The following CNTNAP2 variants were observed in gnomAD, a reference collection of about 807,000 sequenced individuals.
The protein encoded by CNTNAP2 is contactin associated protein 2.
Under a neutral mutation model 155.2 loss-of-function variants are expected in CNTNAP2, and 98 were observed. The ratio of observed to expected loss-of-function variants is 0.63; its 90% confidence interval spans 0.54 to 0.75. CNTNAP2 has a LOEUF of 0.75. Ranked by LOEUF, CNTNAP2 falls within the 30% of genes least tolerant of loss-of-function variation. The probability of loss-of-function intolerance (pLI) is 0.00; values close to 1 mark genes in which losing one functional copy is unlikely to be tolerated. For missense variants in CNTNAP2, 1,727 were observed against 1,688.1 expected (o/e 1.02, Z -0.40); for synonymous variants, 651 against 631.2 (o/e 1.03, Z -0.47).
chr7:146,177,344 T>C (rs1798483869), intron 1 of CNTNAP2, among the ~76,000 whole-genome samples: 1 of 152,190 alleles, frequency 6.6e-6, no homozygotes, highest in African/African-American at 2.4e-5. Flanking sequence ...ACAAAGGCTG[T>C]GTATTCCAGG....
intron 9 of CNTNAP2, among the ~76,000 whole-genome samples, chr7:147,345,865 T>C (rs976306241): frequency 1.3e-5 from 2 of 152,166 alleles, no homozygotes; most frequent in African/African-American, 4.8e-5. Context: ...CATAGTTATT[T>C]TGTAGCAAGG....
rs1184055556 is a variant in CNTNAP2 at position 148,413,392 on chromosome 7, C to CAAAAAAAAAAAAAAAAA, written c.3797-2015_3797-2014insAAAAAAAAAAAAAAAAA. Among the ~76,000 whole-genome samples the CAAAAAAAAAAAAAAAAA allele has an allele frequency of 2.4e-3, 4 of 1,650 alleles. 2 individuals are homozygous for CAAAAAAAAAAAAAAAAA. The highest frequency in any genetic ancestry group is 0.013 in the Admixed American group (2 of 156). 1.1% of individuals were successfully genotyped at this position (1,650 alleles called of 152,430 possible). A position where few individuals can be genotyped will look rare whatever the true frequency, so the allele number is the denominator to read the frequency against. On this transcript the variant is annotated intron_variant, in intron 23 of 23. Coordinates refer to ENST00000361727, the MANE Select transcript of CNTNAP2 (RefSeq NM_014141.6). ...GGGCAACAAGAGTGAAACTCCGTCT[C>CAAAAAAAAAAAAAAAAA]AAAAAAAAAATATATATATATATAT...
At chr7:146,163,569 A>C (rs1052222395) in intron 1 of CNTNAP2, among the ~76,000 whole-genome samples, 2 of 106,654 alleles carry the variant, frequency 1.9e-5, no homozygotes, top group East Asian at 2.0e-4. Flanking sequence ...ATATCTATCT[A>C]TATCTATCTA....
At chr7:148,058,932 G>A (rs1184105767) in intron 15 of CNTNAP2, among the ~76,000 whole-genome samples, 1 of 152,038 alleles carries the variant, frequency 6.6e-6, no homozygotes, top group Non-Finnish European at 1.5e-5. Context: ...CACTAATAAT[G>A]TTCTGTTTCT....
intron 14 of CNTNAP2, among the ~76,000 whole-genome samples, chr7:147,972,237 G>C (rs1474015120): frequency 2.2e-4 from 33 of 152,130 alleles, no homozygotes; most frequent in Non-Finnish European, 5.9e-5. Flanking sequence ...TGATGGAAAT[G>C]CATGAAAGTA....
intron 15 of CNTNAP2, among the ~76,000 whole-genome samples, chr7:147,980,105 A>C (rs1301017960): frequency 6.6e-6 from 1 of 152,216 alleles, no homozygotes; most frequent in Non-Finnish European, 1.5e-5. Context: ...TCTGGAAAGT[A>C]AGAAAAAGAA....
At chr7:147,667,077 G>T (rs1383463269) in intron 13 of CNTNAP2, among the ~76,000 whole-genome samples, 1 of 152,148 alleles carries the variant, frequency 6.6e-6, no homozygotes, top group African/African-American at 2.4e-5. Context: ...GAAAGAAAAG[G>T]CTGGACCCAA....
chr7:148,263,209 C>T (rs973244163), intron 20 of CNTNAP2: 4 of 152,228 alleles, frequency 2.6e-5, no homozygotes, highest in Admixed American at 2.0e-4. Context: ...ATATCCTCGT[C>T]ACTTCTCATA....
chr7:147,190,839 T>G (rs1468325375), intron 8 of CNTNAP2, among the ~76,000 whole-genome samples: 1 of 152,234 alleles, frequency 6.6e-6, no homozygotes, highest in East Asian at 1.9e-4. Context: ...AAGTGCTTTG[T>G]GAAGGAAATA....
intron 1 of CNTNAP2, among the ~76,000 whole-genome samples, chr7:146,140,256 A>T (rs556219549): frequency 1.3e-5 from 2 of 152,242 alleles, no homozygotes; most frequent in South Asian, 4.1e-4. Context: ...TAGATAAAGA[A>T]GTAGTAGGGT....
intron 1 of CNTNAP2, among the ~76,000 whole-genome samples, chr7:146,701,025 A>G (rs1800867731): frequency 7.1e-6 from 1 of 141,518 alleles, no homozygotes; most frequent in Non-Finnish European, 1.5e-5. Context: ...ATTTGCCTGA[A>G]TAATATGGAG....
chr7:147,519,878 TA>T (rs1799202779), intron 11 of CNTNAP2, among the ~76,000 whole-genome samples: 1 of 152,074 alleles, frequency 6.6e-6, no homozygotes, highest in Non-Finnish European at 1.5e-5. Context: ...CAAAAAAGAA[TA>T]AATTCATAAA....
Position 146,299,059 on chromosome 7 carries a change from G to T in CNTNAP2, c.97+182086G>T, listed in dbSNP as rs567188521. Among the ~76,000 whole-genome samples, 15 of 152,238 alleles carry T rather than the reference G, an allele frequency of 9.9e-5. 1 individual carries two copies. The South Asian group carries it at 3.1e-3, about 32-fold the overall frequency. ...GGACACCCAGGTGGGATCACTTGAA[G>T]TCAGGAGCTCGAGACCAGCCTGGCC... On this transcript the variant is annotated intron_variant, in intron 1 of 23. Transcript: ENST00000361727.
intron 8 of CNTNAP2, among the ~76,000 whole-genome samples, chr7:147,254,514 ATTT>A (rs370865767): frequency 8.7e-5 from 13 of 150,192 alleles, no homozygotes; most frequent in Non-Finnish European, 1.6e-4. Flanking sequence ...TTTTTGGTTG[ATTT>A]TTTTTTTCTA....
intron 13 of CNTNAP2, among the ~76,000 whole-genome samples, chr7:147,784,547 ATATG>A (rs1467936549): frequency 2.0e-4 from 17 of 84,788 alleles, no homozygotes; most frequent in Admixed American, 4.2e-4. Flanking sequence ...ATATATATAT[ATATG>A]AGTTTTTTTG....
chr7:146,398,107 A>T (rs1795659076), intron 1 of CNTNAP2, among the ~76,000 whole-genome samples: 1 of 150,916 alleles, frequency 6.6e-6, no homozygotes, highest in South Asian at 2.1e-4. Flanking sequence ...CCTGGGCTCA[A>T]GTGATCCGCC....
At chr7:148,386,499 C>CT (rs200992778) in intron 22 of CNTNAP2, among the ~76,000 whole-genome samples, 7,658 of 152,186 alleles carry the variant, frequency 0.05, 276 homozygotes, top group African/African-American at 0.094. Context: ...CTGCAAGACT[C>CT]TGTCTCAAAA....
intron 13 of CNTNAP2, among the ~76,000 whole-genome samples, chr7:147,802,182 G>GCA: frequency 2.0e-5 from 3 of 147,486 alleles, no homozygotes; most frequent in African/African-American, 7.7e-5. Flanking sequence ...CAGACGGGGC[G>GCA]GCGGGGCAGA....
In CNTNAP2 at chr7:146,670,287, T is replaced by C. The variant is rs528186286; in HGVS notation, c.98-103984T>C. 3.3e-5 allele frequency among the ~76,000 whole-genome samples: 5 copies of C among 152,258 alleles called. No homozygotes were observed. In the East Asian group the frequency reaches 9.7e-4, roughly 30 times the overall value. On this transcript the variant is annotated intron_variant, in intron 1 of 23. Transcript: ENST00000361727. Reference sequence around the variant, plus strand: ...CATCTTTGAATATCACTTGTAGACATAGTCACCTAAAGAAGCAACTAAACG... The same window carrying C: ...CATCTTTGAATATCACTTGTAGACACAGTCACCTAAAGAAGCAACTAAACG...
Sources: gnomAD v4.1 joint callset for allele counts (sites outside exome capture counted in the v4.1 genomes callset) on GRCh38, gnomAD v4.1.1 for gene constraint, MANE v1.5 for transcripts, NCBI Gene and HGNC (gene_info 2026-07-23, HGNC 2026-07-21) for gene names.